COL3A1: variants seen among roughly 807,000 people sequenced by gnomAD.
The protein encoded by COL3A1 is collagen alpha-1(III) chain.
COL3A1 carries 46 observed loss-of-function variants against 200.9 expected under a neutral mutation model. That is an observed-to-expected ratio of 0.23 (90% CI 0.18 to 0.29). The LOEUF (loss-of-function observed/expected upper bound fraction) is 0.29, where lower values mean the gene tolerates loss of function less well. COL3A1 is among the 10% of genes least tolerant of loss of function. The probability of loss-of-function intolerance (pLI) is 1.00; values close to 1 mark genes in which losing one functional copy is unlikely to be tolerated. For synonymous variants in COL3A1, 650 were observed against 628.0 expected (o/e 1.03, Z -0.52); for missense variants, 1,367 against 1,917.6 (o/e 0.71, Z 5.36).
intron 16 of COL3A1, 143 bp from the exon 17 acceptor site, chr2:188,993,895 A>G (rs1474203589): frequency 1.1e-5 from 8 of 749,358 alleles, no homozygotes; most frequent in Non-Finnish European, 1.9e-5. Flanking sequence ...CACATTTCAT[A>G]TGTTGTGTTA....
intron 1 of COL3A1, among the ~76,000 whole-genome samples, chr2:188,979,142 C>T (rs149526554): frequency 6.6e-6 from 1 of 152,056 alleles, no homozygotes; most frequent in East Asian, 1.9e-4. Context: ...AGTTAAACTT[C>T]CCTTGAATTC....
chr2:188,998,485 T>C lies in COL3A1; in HGVS notation c.1977+166T>C, dbSNP rs41263759. ...CAAATTATTTAAAAGATAACTATTA[T>C]ATAGAGTTTGAATTTTACCATAAAA... On this transcript the variant is annotated intron_variant, in intron 28 of 50. Transcript: ENST00000304636. 4.2e-3 allele frequency among the ~76,000 whole-genome samples: 641 copies of C among 152,356 alleles called. 9 individuals carry two copies. The highest frequency in any genetic ancestry group is 0.015 in the African/African-American group (611 of 41,576).
intron 28 of COL3A1, 78 bp downstream of exon 28, chr2:188,998,397 AT>A: frequency 8.1e-7 from 1 of 1,241,794 alleles, no homozygotes; most frequent in Non-Finnish European, 1.2e-6. Context: ...TAACTTCTTA[AT>A]TTTCTTATGC....
rs376198106 is a variant in COL3A1 at position 188,990,321 on chromosome 2, A to G, written c.759A>G (p.Pro253=). Residue 253 remains proline (P), a synonymous_variant, in exon 10 of 51, where the codon CCA becomes CCG. Coordinates refer to ENST00000304636, the MANE Select transcript of COL3A1 (RefSeq NM_000090.4). ...GLPGPPGIKG[P]AGIPGFPGMK... ...ATTATTTTTAGGGTATCAAAGGTCC[A>G]GCTGGGATACCTGGATTCCCTGGTA... 3.7e-6 allele frequency: 6 copies of G among 1,613,252 alleles called. No individual in the cohort carries two copies. Among genetic ancestry groups the G allele is most frequent in the Non-Finnish European group, 5.1e-6 (6 of 1,179,526 alleles).
intron 15 of COL3A1, among the ~76,000 whole-genome samples, 190 bp downstream of exon 15, chr2:188,993,130 C>T (rs1478833390): frequency 6.6e-6 from 1 of 152,112 alleles, no homozygotes; most frequent in African/African-American, 2.4e-5. Flanking sequence ...GATATTTCTT[C>T]TGCTACCTTC....
rs532615007 is a variant in COL3A1 at position 189,011,821 on chromosome 2, G to C, written c.*47G>C. On this transcript the variant is annotated 3_prime_UTR_variant, in exon 51 of 51. Coordinates refer to ENST00000304636, the MANE Select transcript of COL3A1 (RefSeq NM_000090.4). The stretch of plus-strand genomic sequence containing the variant: ...CAACAAAAAAAATTTAACTCCATAT[G>C]TGTTCCTCTTGTTCTAATCTTGTCA... 1.2e-6 allele frequency: 2 copies of C among 1,604,014 alleles called. No homozygotes were observed. The highest frequency in any genetic ancestry group is 2.2e-5 in the South Asian group (2 of 90,844).
intron 34 of COL3A1, 33 bp downstream of exon 34, chr2:189,001,622 T>C (rs775768813): frequency 6.2e-7 from 1 of 1,612,596 alleles, no homozygotes; most frequent in African/African-American, 1.3e-5. Context: ...ACATACTTTT[T>C]AACCCCATAC....
intron 13 of COL3A1, 37 bp downstream of exon 13, chr2:188,991,759 A>G: frequency 3.1e-6 from 5 of 1,608,496 alleles, no homozygotes; most frequent in Non-Finnish European, 4.3e-6. Context: ...ATTACAACCC[A>G]AAGTGACAGA....
intron 1 of COL3A1, among the ~76,000 whole-genome samples, chr2:188,982,601 A>C (rs1384555652): frequency 6.6e-6 from 1 of 151,842 alleles, no homozygotes; most frequent in Admixed American, 6.6e-5. Context: ...CACGTGCTGT[A>C]TTAAGTGTGA....
At chr2:189,005,305 A>G in intron 40 of COL3A1, 45 bp from the exon 41 acceptor site, 2 of 1,504,856 alleles carry the variant, frequency 1.3e-6, no homozygotes, top group Non-Finnish European at 1.9e-6. Flanking sequence ...ATTTTAATTG[A>G]TTTCTTAAGT....
At chr2:188,995,889 C>A in intron 22 of COL3A1, 99 bp downstream of exon 22, 1 of 1,143,546 alleles carries the variant, frequency 8.7e-7, no homozygotes, top group Non-Finnish European at 1.3e-6. Context: ...AATCAGATTA[C>A]ATATTTTGTA....
chr2:188,997,355 G>C lies in COL3A1; in HGVS notation c.1835G>C (p.Gly612Ala), dbSNP rs779858998. Residue 612 changes from glycine (G) to alanine (A), a missense_variant, in exon 26 of 51, where the codon GGT becomes GCT. By Grantham distance (60) the Gly-to-Ala change is moderately conservative. Around this residue, in one of 5 missense-constraint regions of COL3A1, gnomAD observed 846 missense variants for 1,147.9 expected, o/e 0.74. Transcript: ENST00000304636. ...PGPQGPPGKN[G>A]ETGPQGPPGP... Reference sequence around the variant, plus strand: ...TTTTAGGGTCCTCCTGGAAAGAATGGTGAAACTGGACCTCAGGGACCCCCA... The same window carrying C: ...TTTTAGGGTCCTCCTGGAAAGAATGCTGAAACTGGACCTCAGGGACCCCCA... 6 of 1,613,792 alleles carry C rather than the reference G, an allele frequency of 3.7e-6. No homozygotes were observed. In the African/African-American group the frequency reaches 8.0e-5, roughly 22 times the overall value.
At chr2:188,983,175 G>A (rs558055671) in intron 1 of COL3A1, among the ~76,000 whole-genome samples, 2 of 151,868 alleles carry the variant, frequency 1.3e-5, no homozygotes, top group Non-Finnish European at 2.9e-5. Flanking sequence ...ATGTGTTTCA[G>A]ACATAGGGGA....
At chr2:189,002,087 A>G in intron 34 of COL3A1, among the ~76,000 whole-genome samples, 1 of 152,228 alleles carries the variant, frequency 6.6e-6, no homozygotes, top group East Asian at 1.9e-4. Context: ...CTTGCAAATA[A>G]TATCACAGTA....
intron 32 of COL3A1, among the ~76,000 whole-genome samples, chr2:189,000,239 T>C (rs1240323814): frequency 6.6e-6 from 1 of 152,234 alleles, no homozygotes; most frequent in Admixed American, 6.5e-5. Flanking sequence ...TAAGTACTCC[T>C]CATTAATAGA....
In COL3A1 at chr2:189,005,377, G is replaced by A. The variant is rs587779583; in HGVS notation, c.2959G>A (p.Gly987Ser). 1.2e-6 allele frequency: 2 copies of A among 1,613,984 alleles called. No individual in the cohort carries two copies. The highest frequency in any genetic ancestry group is 1.7e-6 in the Non-Finnish European group (2 of 1,179,930). ...KGESGKPGAN[G>S]LSGERGPPGP... The stretch of plus-strand genomic sequence containing the variant: ...TGAAAGTGGGAAACCAGGAGCTAAC[G>A]GTCTCAGTGGAGAACGTGGTCCCCC... Residue 987 changes from glycine to serine, a missense_variant, in exon 41 of 51, where the codon GGT (glycine) becomes AGT (serine). Gly to Ser is a moderately conservative substitution (Grantham distance 56). Around this residue, in one of 5 missense-constraint regions of COL3A1, gnomAD observed 846 missense variants for 1,147.9 expected, o/e 0.74. Coordinates refer to ENST00000304636, the MANE Select transcript of COL3A1 (RefSeq NM_000090.4).
At chr2:188,999,423 G>A (rs190260931) in intron 30 of COL3A1, 40 bp downstream of exon 30, 6 of 1,613,754 alleles carry the variant, frequency 3.7e-6, no homozygotes, top group Middle Eastern at 1.6e-4. Flanking sequence ...TTTAAAAAAT[G>A]CATTTGATTT....
chr2:189,005,012 G>C (rs146188813), intron 40 of COL3A1, among the ~76,000 whole-genome samples: 155 of 152,160 alleles, frequency 1.0e-3, no homozygotes, highest in African/African-American at 3.6e-3. Context: ...TAATTTTAAG[G>C]ATCACCATAC....
rs911361803 is a variant in COL3A1, at chr2:189,006,526, A to C, written c.3201+74A>C. 3 of 1,449,166 alleles carry C rather than the reference A, an allele frequency of 2.1e-6. No homozygotes were observed. The African/African-American group carries it at 4.2e-5, about 20-fold the overall frequency. The allele number at this position is 1,449,166 out of a possible 1,614,324, so 89.8% of individuals were successfully genotyped here. A position where few individuals can be genotyped will look rare whatever the true frequency, so the allele number is the denominator to read the frequency against. ...AAAGACATTTGTAGGTAGAAGGTAG[A>C]ATGTCAGATCTGCCAACCAAAATAT... On this transcript the variant is annotated intron_variant, in intron 43 of 50. Transcript: ENST00000304636.
Sources: gnomAD v4.1 joint callset for allele counts (sites outside exome capture counted in the v4.1 genomes callset) on GRCh38, gnomAD v4.1.1 for gene constraint, gnomAD v4.1.1 regional missense constraint, MANE v1.5 for transcripts, NCBI Gene and HGNC (gene_info 2026-07-23, HGNC 2026-07-21) for gene names.